Variants in ACVR1 observed in about 807,000 individuals in gnomAD.
ACVR1 encodes the protein activin receptor type-1.
In ACVR1, 38 loss-of-function variants were observed where a neutral mutation model predicts 57.1. The observed-to-expected ratio is 0.67, with a 90% CI of 0.51 to 0.87. The LOEUF (loss-of-function observed/expected upper bound fraction) is 0.87, where lower values mean the gene tolerates loss of function less well. ACVR1 is among the 40% of genes least tolerant of loss of function. ACVR1 has a pLI of 0.00. For synonymous variants in ACVR1, 212 were observed against 228.1 expected, an observed-to-expected ratio of 0.93 and a Z score of 0.63; for missense variants, 463 against 638.2, an observed-to-expected ratio of 0.73 and a Z score of 2.96.
At chr2:157,852,508 A>G (rs1324979699) in intron 1 of ACVR1, among the ~76,000 whole-genome samples, 1 of 144,076 alleles carries the variant, frequency 6.9e-6, no homozygotes, top group Non-Finnish European at 1.6e-5. Context: ...CAAAAAAAAA[A>G]AAAAGAAAAA....
At chr2:157,756,987 T>A (rs1685452536) in intron 9 of ACVR1, among the ~76,000 whole-genome samples, 1 of 139,608 alleles carries the variant, frequency 7.2e-6, no homozygotes, top group Non-Finnish European at 1.5e-5. Flanking sequence ...ATATATATAT[T>A]TGAGATATAT....
chr2:157,827,300 T>C (rs369752093), intron 1 of ACVR1, among the ~76,000 whole-genome samples: 14 of 152,134 alleles, frequency 9.2e-5, no homozygotes, highest in South Asian at 4.2e-4. Flanking sequence ...TAGAAACTGA[T>C]TGCCCACTGT....
intron 9 of ACVR1, among the ~76,000 whole-genome samples, chr2:157,745,416 A>G (rs551976921): frequency 2.0e-5 from 3 of 152,348 alleles, no homozygotes; most frequent in African/African-American, 7.2e-5. Context: ...AAGGTTTAGG[A>G]TACAGATATT....
intron 5 of ACVR1, 71 bp from the exon 6 acceptor site, chr2:157,774,258 A>G: frequency 8.1e-7 from 1 of 1,239,898 alleles, no homozygotes; most frequent in South Asian, 1.2e-5. Flanking sequence ...ATTAGCATGC[A>G]TGACATTGTA....
chr2:157,793,819 C>A (rs1028261051), intron 3 of ACVR1, among the ~76,000 whole-genome samples: 3 of 152,152 alleles, frequency 2.0e-5, no homozygotes, highest in African/African-American at 7.2e-5. Context: ...AAGAGGGGCA[C>A]CTTTGTAACC....
In ACVR1 at chr2:157,744,284, A is replaced by T. The variant is rs371741706; in HGVS notation, c.1265-5714T>A. ...GCTGAAATCCTTCAGAGGACAGAGC[A>T]TTAGAAGTAAAGCTATTTTAGAGAG... On this transcript the variant is annotated intron_variant, in intron 9 of 10. Transcript: ENST00000434821. Among the ~76,000 whole-genome samples, 5 of 152,354 alleles carry T rather than the reference A, an allele frequency of 3.3e-5. No homozygotes were observed. The South Asian group carries it at 1.0e-3, about 32-fold the overall frequency.
At chr2:157,838,357 A>C (rs969918635) in intron 1 of ACVR1, 1 of 152,188 alleles carries the variant, frequency 6.6e-6, no homozygotes, top group Admixed American at 6.5e-5. Flanking sequence ...GGAAAAAAAA[A>C]CAACCCATAG....
At chr2:157,858,039 TAA>T (rs909058759) in intron 1 of ACVR1, among the ~76,000 whole-genome samples, 9 of 144,578 alleles carry the variant, frequency 6.2e-5, no homozygotes, top group Non-Finnish European at 9.2e-5. Flanking sequence ...AGTAAAAACT[TAA>T]AAAAAAAAAA....
chr2:157,820,558 A>ATT (rs1408768120), intron 1 of ACVR1, among the ~76,000 whole-genome samples: 1 of 151,982 alleles, frequency 6.6e-6, no homozygotes, highest in Non-Finnish European at 1.5e-5. Flanking sequence ...CTTTTTAAAA[A>ATT]TCAGAGACTC....
Position 157,862,416 on chromosome 2 carries a change from T to TACACACACAC in ACVR1, c.-183+13379_-183+13380insGTGTGTGTGT, listed in dbSNP as rs1257815431. 6.1e-5 allele frequency among the ~76,000 whole-genome samples: 5 copies of TACACACACAC among 82,456 alleles called. No homozygotes were observed. The South Asian group carries it at 1.8e-3, about 31-fold the overall frequency. The allele number at this position is 82,456 out of a possible 152,430, so 54.1% of individuals were successfully genotyped here. On this transcript the variant is annotated intron_variant, in intron 1 of 10. Coordinates refer to ENST00000434821, the MANE Select transcript of ACVR1 (RefSeq NM_001111067.4). The stretch of plus-strand genomic sequence containing the variant: ...GCATACTAGGCACAGGATAAACATA[T>TACACACACAC]ACACATACACACACACACACACACA...
At chr2:157,782,361 G>A (rs539997459) in intron 3 of ACVR1, among the ~76,000 whole-genome samples, 6 of 152,236 alleles carry the variant, frequency 3.9e-5, no homozygotes, top group South Asian at 2.1e-4. Context: ...CAAAATAGCC[G>A]CTGACAGTCT....
intron 1 of ACVR1, among the ~76,000 whole-genome samples, chr2:157,842,499 T>C (rs1574138173): frequency 1.3e-5 from 2 of 152,164 alleles, no homozygotes; most frequent in East Asian, 3.8e-4. Flanking sequence ...AGAGTTTACA[T>C]TCAGGCAGAA....
At chr2:157,752,658 A>G (rs1176863024) in intron 9 of ACVR1, among the ~76,000 whole-genome samples, 1 of 152,206 alleles carries the variant, frequency 6.6e-6, no homozygotes, top group Non-Finnish European at 1.5e-5. Flanking sequence ...CTTAAACAAA[A>G]CAATTATGAG....
At chr2:157,740,777 T>G (rs921315948) in intron 9 of ACVR1, among the ~76,000 whole-genome samples, 1 of 152,226 alleles carries the variant, frequency 6.6e-6, no homozygotes, top group Non-Finnish European at 1.5e-5. Context: ...TTTGCCCTTG[T>G]GTTTCCGTTT....
At chr2:157,826,515 G>A (rs1230876141) in intron 1 of ACVR1, 1 of 151,880 alleles carries the variant, frequency 6.6e-6, no homozygotes, top group Non-Finnish European at 1.5e-5. Flanking sequence ...AGCCAAGCAT[G>A]GGTGGCACAT....
chr2:157,873,166 T>G (rs953208746), intron 1 of ACVR1, among the ~76,000 whole-genome samples: 9 of 152,190 alleles, frequency 5.9e-5, no homozygotes, highest in African/African-American at 1.9e-4. Flanking sequence ...AGGAAGACAG[T>G]ATGTGAGTGA....
At chr2:157,869,875 A>G (rs1350573366) in intron 1 of ACVR1, among the ~76,000 whole-genome samples, 1 of 152,216 alleles carries the variant, frequency 6.6e-6, no homozygotes, top group African/African-American at 2.4e-5. Context: ...AACCACCTAC[A>G]CTTTCACTCC....
At chr2:157,869,825 T>C (rs1690057191) in intron 1 of ACVR1, among the ~76,000 whole-genome samples, 1 of 152,206 alleles carries the variant, frequency 6.6e-6, no homozygotes, top group Non-Finnish European at 1.5e-5. Context: ...ACTGGGCACA[T>C]GTGTCCCTTA....
intron 3 of ACVR1, among the ~76,000 whole-genome samples, chr2:157,792,069 GA>G: frequency 6.6e-6 from 1 of 151,590 alleles, no homozygotes; most frequent in East Asian, 1.9e-4. Context: ...AATGCAGCAA[GA>G]AATAAAACGA....
Sources: gnomAD v4.1 joint callset for allele counts (sites outside exome capture counted in the v4.1 genomes callset) on GRCh38, gnomAD v4.1.1 for gene constraint, MANE v1.5 for transcripts, NCBI Gene and HGNC (gene_info 2026-07-23, HGNC 2026-07-21) for gene names.